PDCD10: variants seen among roughly 807,000 people sequenced by gnomAD.
The protein encoded by PDCD10 is programmed cell death 10.
PDCD10 carries 4 observed loss-of-function variants against 29.2 expected under a neutral mutation model. That is an observed-to-expected ratio of 0.14 (90% CI 0.07 to 0.31). The LOEUF (loss-of-function observed/expected upper bound fraction) is 0.31. Ranked by LOEUF, PDCD10 falls within the 10% of genes least tolerant of loss-of-function variation. PDCD10 has a pLI of 1.00. For missense variants in PDCD10, 183 were observed against 257.9 expected, an observed-to-expected ratio of 0.71 and a Z score of 1.99; for synonymous variants, 70 against 82.2, an observed-to-expected ratio of 0.85 and a Z score of 0.80.
intron 6 of PDCD10, among the ~76,000 whole-genome samples, chr3:167,689,533 A>T (rs770795472): frequency 1.3e-4 from 20 of 152,188 alleles, no homozygotes; most frequent in Non-Finnish European, 2.8e-4. Context: ...TAGATTCTAC[A>T]AGTCAAAAGA....
chr3:167,688,286 T>C (rs1279625480), intron 6 of PDCD10, among the ~76,000 whole-genome samples: 3 of 152,320 alleles, frequency 2.0e-5, no homozygotes, highest in African/African-American at 7.2e-5. Flanking sequence ...ACTTTTAGCT[T>C]CTATCTAGCA....
chr3:167,685,699 A>G lies in PDCD10; in HGVS notation c.558-1310T>C, dbSNP rs140269622. On this transcript the variant is annotated intron_variant, in intron 8 of 8. Coordinates refer to ENST00000392750, the MANE Select transcript of PDCD10 (RefSeq NM_007217.4). Reference sequence around the variant, plus strand: ...GTCTACCTTTCATTGTGCTTATTCCATAATAGTAATTTAAAATCAGAAATA... The same window carrying G: ...GTCTACCTTTCATTGTGCTTATTCCGTAATAGTAATTTAAAATCAGAAATA... Among the ~76,000 whole-genome samples the G allele has an allele frequency of 3.3e-3, 507 of 152,344 alleles. 5 individuals carry two copies. The highest frequency in any genetic ancestry group is 0.012 in the African/African-American group (486 of 41,590).
chr3:167,696,392 CTAAA>C (rs1394367061), intron 5 of PDCD10, among the ~76,000 whole-genome samples: 1 of 152,062 alleles, frequency 6.6e-6, no homozygotes, highest in Non-Finnish European at 1.5e-5. Flanking sequence ...ATGCTCAACT[CTAAA>C]TAATGATAAG....
chr3:167,723,563 T>G (rs973969937), intron 2 of PDCD10, among the ~76,000 whole-genome samples: 2 of 152,212 alleles, frequency 1.3e-5, no homozygotes, highest in African/African-American at 4.8e-5. Flanking sequence ...ACAAAAAGGA[T>G]GTAGTGACTT....
intron 2 of PDCD10, among the ~76,000 whole-genome samples, chr3:167,726,418 C>T (rs542903590): frequency 7.2e-5 from 11 of 151,894 alleles, no homozygotes; most frequent in African/African-American, 1.9e-4. Flanking sequence ...TTTCTTAATA[C>T]AGAAATTTAT....
intron 4 of PDCD10, among the ~76,000 whole-genome samples, chr3:167,699,359 C>G (rs916852757): frequency 1.3e-5 from 2 of 152,192 alleles, no homozygotes; most frequent in Non-Finnish European, 2.9e-5. Flanking sequence ...TTGAGTATCA[C>G]TGTACACCTT....
chr3:167,712,051 T>TA (rs1296182724), intron 3 of PDCD10, among the ~76,000 whole-genome samples: 2 of 151,948 alleles, frequency 1.3e-5, no homozygotes, highest in African/African-American at 4.8e-5. Flanking sequence ...TCAGGAGCAA[T>TA]AAAAAATCTT....
chr3:167,733,811 CTATT>C (rs1559985902), intron 2 of PDCD10, among the ~76,000 whole-genome samples: 1 of 152,128 alleles, frequency 6.6e-6, no homozygotes, highest in Non-Finnish European at 1.5e-5. Context: ...TTCTCCCATC[CTATT>C]ACCTACCCGT....
chr3:167,709,321 G>C (rs1722297662), intron 3 of PDCD10, among the ~76,000 whole-genome samples: 2 of 152,134 alleles, frequency 1.3e-5, no homozygotes, highest in Admixed American at 1.3e-4. Flanking sequence ...ATTGCTGAAA[G>C]AGGCAATAAA....
At chr3:167,715,066 A>T (rs143222640) in intron 3 of PDCD10, among the ~76,000 whole-genome samples, 1 of 151,824 alleles carries the variant, frequency 6.6e-6, no homozygotes, top group African/African-American at 2.4e-5. Flanking sequence ...CTGGCAAAAA[A>T]AAAACCAGAC....
intron 4 of PDCD10, among the ~76,000 whole-genome samples, chr3:167,700,604 G>T (rs1721302883): frequency 6.6e-6 from 1 of 152,140 alleles, no homozygotes; most frequent in African/African-American, 2.4e-5. Flanking sequence ...CAGCTTTTAT[G>T]TTGGTGCAGG....
chr3:167,690,754 T>C (rs893550959), intron 6 of PDCD10, among the ~76,000 whole-genome samples: 2 of 152,242 alleles, frequency 1.3e-5, no homozygotes, highest in Non-Finnish European at 2.9e-5. Context: ...GTTGAATGTA[T>C]GCTAGGTTCT....
intron 2 of PDCD10, chr3:167,730,937 A>G (rs1478694657): frequency 6.6e-6 from 1 of 152,194 alleles, no homozygotes; most frequent in Non-Finnish European, 1.5e-5. Context: ...ATCAAGTGAT[A>G]TTAAAGGTAT....
At chr3:167,693,417 C>A (rs1462392101) in intron 6 of PDCD10, among the ~76,000 whole-genome samples, 6 of 152,296 alleles carry the variant, frequency 3.9e-5, no homozygotes, top group Admixed American at 2.6e-4. Flanking sequence ...CTATCAAGTA[C>A]CAGTACCTTC....
At chr3:167,699,225 A>G (rs1721120415) in intron 4 of PDCD10, among the ~76,000 whole-genome samples, 1 of 152,126 alleles carries the variant, frequency 6.6e-6, no homozygotes, top group Admixed American at 6.6e-5. Context: ...CTGTTAGATC[A>G]TAGCACTGGC....
rs149715299 is a variant in PDCD10 at position 167,732,141 on chromosome 3, G to C, written c.-117+2073C>G. On this transcript the variant is annotated intron_variant, in intron 2 of 8. Coordinates refer to ENST00000392750, the MANE Select transcript of PDCD10 (RefSeq NM_007217.4). The stretch of plus-strand genomic sequence containing the variant: ...TTCTTCTCATGTAAATAATCTAAGG[G>C]AACTAAGTCTTTACTCCAAAATATT... Among the ~76,000 whole-genome samples, 345 of 152,220 alleles carry C rather than the reference G, an allele frequency of 2.3e-3. 2 individuals are homozygous for C. The highest frequency in any genetic ancestry group is 7.8e-3 in the African/African-American group (323 of 41,520).
rs374743229 is a variant in PDCD10 at position 167,713,918 on chromosome 3, C to T, written c.96+6144G>A. Among the ~76,000 whole-genome samples, 116 of 151,970 alleles carry T rather than the reference C, an allele frequency of 7.6e-4. 1 individual carries two copies. The highest frequency in any genetic ancestry group is 2.7e-3 in the African/African-American group (114 of 41,512). ...AATCAAAGCTGTAATAAAAACATCA[C>T]CCAGTAAAGAAAAGCCCAGGATTCA... is the stretch of plus-strand genomic sequence containing the variant. On this transcript the variant is annotated intron_variant, in intron 3 of 8. Transcript: ENST00000392750.
At chr3:167,723,736 A>G (rs1001617580) in intron 2 of PDCD10, among the ~76,000 whole-genome samples, 1 of 152,222 alleles carries the variant, frequency 6.6e-6, no homozygotes, top group African/African-American at 2.4e-5. Flanking sequence ...GGCATCCACA[A>G]AATAAAAACC....
At chr3:167,690,222 T>A (rs950954446) in intron 6 of PDCD10, among the ~76,000 whole-genome samples, 1 of 152,214 alleles carries the variant, frequency 6.6e-6, no homozygotes, top group African/African-American at 2.4e-5. Context: ...AGGCAAAGGC[T>A]TCAGATGAAA....
Sources: gnomAD v4.1 joint callset for allele counts (sites outside exome capture counted in the v4.1 genomes callset) on GRCh38, gnomAD v4.1.1 for gene constraint, MANE v1.5 for transcripts, NCBI Gene and HGNC (gene_info 2026-07-23, HGNC 2026-07-21) for gene names.